ERBB4: variants seen among roughly 807,000 people sequenced by gnomAD.
ERBB4 encodes the protein erb-b2 receptor tyrosine kinase 4.
A neutral mutation model predicts 158.0 loss-of-function variants in ERBB4; 42 were observed. The observed-to-expected ratio is 0.27, with a 90% confidence interval of 0.21 to 0.34. The LOEUF (loss-of-function observed/expected upper bound fraction) is 0.34. ERBB4 is among the 10% of genes least tolerant of loss of function. The pLI is 1.00. For synonymous variants in ERBB4, 583 were observed against 558.7 expected, an observed-to-expected ratio of 1.04 and a Z score of -0.61; for missense variants, 1,333 against 1,624.1, an observed-to-expected ratio of 0.82 and a Z score of 3.08.
At chr2:212,115,233 T>G (rs950785521) in intron 2 of ERBB4, among the ~76,000 whole-genome samples, 13 of 152,116 alleles carry the variant, frequency 8.5e-5, no homozygotes, top group African/African-American at 2.7e-4. Flanking sequence ...ACATTTTATT[T>G]TTACACTTTT....
intron 16 of ERBB4, among the ~76,000 whole-genome samples, chr2:211,650,294 A>T (rs949290920): frequency 2.6e-5 from 4 of 152,082 alleles, no homozygotes; most frequent in Non-Finnish European, 5.9e-5. Context: ...AAACTGAAAC[A>T]ATGTTTTAAT....
intron 20 of ERBB4, among the ~76,000 whole-genome samples, chr2:211,458,427 C>T (rs1033297564): frequency 2.6e-5 from 4 of 152,076 alleles, no homozygotes; most frequent in South Asian, 2.1e-4. Context: ...CCATCACGCA[C>T]GGCTAATTTT....
rs189088599 is a variant in ERBB4, at chr2:212,068,892, T to C, written c.234+55860A>G. 2.5e-3 allele frequency among the ~76,000 whole-genome samples: 388 copies of C among 152,196 alleles called. 1 individual carries two copies. The highest frequency in any genetic ancestry group is 8.9e-3 in the African/African-American group (370 of 41,560). On this transcript the variant is annotated intron_variant, in intron 2 of 27. Transcript: ENST00000342788. ...GTAAATAAGGAAGGGAAAGTATCTA[T>C]ACACTTTTTATCTAAGAACGTAAAT...
intron 1 of ERBB4, among the ~76,000 whole-genome samples, chr2:212,437,029 A>G (rs924936063): frequency 2.0e-5 from 3 of 151,994 alleles, no homozygotes; most frequent in African/African-American, 7.2e-5. Flanking sequence ...GGCCATGTAA[A>G]CGCCAAAGAC....
At chr2:212,041,924 T>C (rs574309811) in intron 2 of ERBB4, among the ~76,000 whole-genome samples, 4 of 152,216 alleles carry the variant, frequency 2.6e-5, no homozygotes, top group African/African-American at 7.2e-5. Context: ...ACCTATTACA[T>C]TGTCATGATG....
intron 1 of ERBB4, among the ~76,000 whole-genome samples, chr2:212,522,759 G>A (rs1376220064): frequency 6.6e-6 from 1 of 152,010 alleles, no homozygotes; most frequent in Non-Finnish European, 1.5e-5. Flanking sequence ...TATCGCCTCT[G>A]TTGAGAAATA....
At position 211,768,234 on chromosome 2, in the gene ERBB4, G is replaced by C. The variant is rs567539498; in HGVS notation, c.557-17530C>G. 1.1e-3 allele frequency among the ~76,000 whole-genome samples: 164 copies of C among 152,104 alleles called. 1 individual carries two copies. Among genetic ancestry groups the C allele is most frequent in the Non-Finnish European group, 2.0e-3 (136 of 68,014 alleles). On this transcript the variant is annotated intron_variant, in intron 4 of 27. Transcript: ENST00000342788. ...GCAAGAGGTGGGCTCTGAAGGCCTT[G>C]GGCAGCTCTGCCCCTGTGGCTCTGC...
At chr2:211,488,316 T>C (rs533430480) in intron 20 of ERBB4, among the ~76,000 whole-genome samples, 1 of 152,186 alleles carries the variant, frequency 6.6e-6, no homozygotes, top group South Asian at 2.1e-4. Context: ...CACCCAAATT[T>C]ATTTTTGCCT....
rs553062671 is a variant in ERBB4 at position 212,288,599 on chromosome 2, C to T, written c.83-163696G>A. Among the ~76,000 whole-genome samples, 199 of 152,174 alleles carry T rather than the reference C, an allele frequency of 1.3e-3. 1 individual carries two copies. The highest frequency in any genetic ancestry group is 6.8e-3 in the Middle Eastern group (2 of 294). On this transcript the variant is annotated intron_variant, in intron 1 of 27. Transcript: ENST00000342788. ...TGTGCGAGGTGGAAAACTGGCTAGC[C>T]GGCTTCTCGCTTTGCTGATAGTCCT...
Position 212,513,848 on chromosome 2 carries a change from T to C in ERBB4, c.82+24601A>G, listed in dbSNP as rs540311738. On this transcript the variant is annotated intron_variant, in intron 1 of 27. Transcript: ENST00000342788. ...AAATAAATAAATAAAAAGAACAATT[T>C]AAGTTTTCAAAGACCATACAACTAG... 7.3e-5 allele frequency among the ~76,000 whole-genome samples: 11 copies of C among 150,174 alleles called. No individual in the cohort carries two copies. In the South Asian group the frequency reaches 2.3e-3, roughly 31 times the overall value.
At chr2:211,424,027 T>C (rs2063569492) in intron 23 of ERBB4, 128 bp downstream of exon 23, 1 of 920,022 alleles carries the variant, frequency 1.1e-6, no homozygotes, top group African/African-American at 1.6e-5. Flanking sequence ...GGCGTTCATA[T>C]GTTCCTTTCA....
chr2:212,145,438 G>T (rs1042463565), intron 1 of ERBB4, among the ~76,000 whole-genome samples: 1 of 152,030 alleles, frequency 6.6e-6, no homozygotes, highest in African/African-American at 2.4e-5. Flanking sequence ...CCCTCTTCCA[G>T]TATCAAAATA....
At chr2:212,112,384 C>A (rs1434977533) in intron 2 of ERBB4, among the ~76,000 whole-genome samples, 1 of 151,938 alleles carries the variant, frequency 6.6e-6, no homozygotes, top group African/African-American at 2.4e-5. Flanking sequence ...TGCTCAGGGT[C>A]CCCAAATTTT....
At chr2:212,211,617 T>TAAAAA (rs766982489) in intron 1 of ERBB4, among the ~76,000 whole-genome samples, 3 of 95,112 alleles carry the variant, frequency 3.2e-5, no homozygotes, top group African/African-American at 4.1e-5. Flanking sequence ...AAAATTTATC[T>TAAAAA]AAAAAAAAAA....
At position 211,560,262 on chromosome 2, in the gene ERBB4, C is replaced by CTTTT. The variant is rs769707072; in HGVS notation, c.2487+1637_2487+1640dup. Among the ~76,000 whole-genome samples the CTTTT allele has an allele frequency of 4.3e-4, 20 of 46,308 alleles. 3 individuals are homozygous for CTTTT. The highest frequency in any genetic ancestry group is 6.7e-4 in the African/African-American group (7 of 10,450). The allele number at this position is 46,308 out of a possible 152,430, so 30.4% of individuals were successfully genotyped here. A position where few individuals can be genotyped will look rare whatever the true frequency, so the allele number is the denominator to read the frequency against. Reference sequence around the variant, plus strand: ...CAGCACTAACAAATTTGAAGCTTAGCTTTTTTTTTTTTTTTTTTTTTTTTT... The same window carrying CTTTT: ...CAGCACTAACAAATTTGAAGCTTAGCTTTTTTTTTTTTTTTTTTTTTTTTTTTTT... On this transcript the variant is annotated intron_variant, in intron 20 of 27. Transcript: ENST00000342788.
chr2:211,869,533 G>T (rs563206249), intron 3 of ERBB4, among the ~76,000 whole-genome samples: 1 of 152,132 alleles, frequency 6.6e-6, no homozygotes, highest in South Asian at 2.1e-4. Flanking sequence ...CTACAAAAGT[G>T]AGTTATTAGG....
chr2:211,798,938 A>T (rs990437860), intron 3 of ERBB4, among the ~76,000 whole-genome samples: 1 of 152,140 alleles, frequency 6.6e-6, no homozygotes, highest in Admixed American at 6.6e-5. Context: ...ACCCTTTAGT[A>T]ATTTCCTGTC....
At chr2:211,726,140 C>A (rs1019393411) in intron 5 of ERBB4, among the ~76,000 whole-genome samples, 2 of 152,124 alleles carry the variant, frequency 1.3e-5, no homozygotes, top group Non-Finnish European at 2.9e-5. Flanking sequence ...TCCACTTCAG[C>A]CTTGTTTCTT....
intron 13 of ERBB4, among the ~76,000 whole-genome samples, chr2:211,677,148 A>G (rs1249840159): frequency 6.6e-6 from 1 of 152,180 alleles, no homozygotes; most frequent in Non-Finnish European, 1.5e-5. Context: ...TATGATCTAT[A>G]TATTTTTATT....
Sources: allele counts gnomAD v4.1 joint callset (sites outside exome capture counted in the v4.1 genomes callset), GRCh38; gene constraint gnomAD v4.1.1; transcripts MANE v1.5; gene names NCBI Gene and HGNC (gene_info 2026-07-23, HGNC 2026-07-21).